Variants in CDYL observed in about 807,000 individuals in gnomAD.
CDYL encodes chromodomain Y like, also known as chromodomain Y-like protein.
Under a neutral mutation model 47.3 loss-of-function variants are expected in CDYL, and 8 were observed. The observed-to-expected ratio is 0.17, with a 90% CI of 0.10 to 0.31. The LOEUF (loss-of-function observed/expected upper bound fraction) is 0.31. CDYL is among the 10% of genes least tolerant of loss of function. The probability of loss-of-function intolerance (pLI) is 1.00; values close to 1 mark genes in which losing one functional copy is unlikely to be tolerated. For missense variants in CDYL, 471 were observed against 701.4 expected (o/e 0.67, Z 3.71); for synonymous variants, 266 against 265.0 (o/e 1.00, Z -0.04).
chr6:4,822,273 G>A (rs1404347566), intron 1 of CDYL, among the ~76,000 whole-genome samples: 1 of 152,042 alleles, frequency 6.6e-6, no homozygotes, highest in African/African-American at 2.4e-5. Context: ...TGTTGGGATT[G>A]TAGATGTGAG....
intron 3 of CDYL, among the ~76,000 whole-genome samples, chr6:4,754,636 C>G (rs1758048093): frequency 6.6e-6 from 1 of 152,154 alleles, no homozygotes; most frequent in African/African-American, 2.4e-5. Flanking sequence ...GCTTTTATTC[C>G]TATTTGCATA....
chr6:4,935,674 C>T lies in CDYL; in HGVS notation c.851C>T (p.Ala284Val). The change falls in exon 3 of 7, where the codon GCC becomes GTC. Residue 284 changes from alanine to valine, a missense_variant. Ala to Val is a moderately conservative substitution (Grantham distance 64, BLOSUM62 0). This residue lies in a region of CDYL where 103 missense variants were observed against 277.1 expected (regional missense o/e 0.37). Transcript: ENST00000397588. ...LRFSVRQTES[A>V]YRYRDIVVRK... ...TTCAGCGTGAGGCAAACAGAAAGTGCCTACAGATACAGAGATATTGTGGTC... is the reference window on the plus strand; with the variant it reads ...TTCAGCGTGAGGCAAACAGAAAGTGTCTACAGATACAGAGATATTGTGGTC... 1 of 1,614,206 alleles carries T rather than the reference C, an allele frequency of 6.2e-7. No homozygotes were observed. Among genetic ancestry groups the T allele is most frequent in the Non-Finnish European group, 8.5e-7 (1 of 1,180,042 alleles).
intron 1 of CDYL, among the ~76,000 whole-genome samples, chr6:4,861,296 G>C (rs1203379227): frequency 6.6e-6 from 1 of 152,224 alleles, no homozygotes; most frequent in Non-Finnish European, 1.5e-5. Context: ...GTCGTTAACT[G>C]TGGGCATAAG....
At chr6:4,811,085 T>C (rs61610972) in intron 1 of CDYL, among the ~76,000 whole-genome samples, 19,936 of 152,216 alleles carry the variant, frequency 0.13, 1,451 homozygotes, top group African/African-American at 0.2. Flanking sequence ...GAAGCTTCAG[T>C]TTCAGGTCTG....
intron 1 of CDYL, among the ~76,000 whole-genome samples, chr6:4,847,794 G>T (rs1316012241): frequency 6.6e-6 from 1 of 152,152 alleles, no homozygotes; most frequent in East Asian, 1.9e-4. Flanking sequence ...AATAAAAACT[G>T]TGTCTCCCTA....
intron 2 of CDYL, among the ~76,000 whole-genome samples, chr6:4,900,781 A>ATATATGTATGTATG (rs1561697427): frequency 9.2e-5 from 3 of 32,770 alleles, no homozygotes; most frequent in East Asian, 1.7e-3. Flanking sequence ...ATACGTGTGT[A>ATATATGTATGTATG]TATATATATA....
At chr6:4,906,914 A>G (rs1336050222) in intron 2 of CDYL, among the ~76,000 whole-genome samples, 3 of 152,196 alleles carry the variant, frequency 2.0e-5, no homozygotes, top group East Asian at 1.9e-4. Context: ...ATTGTGTTCT[A>G]TTAATCACTG....
chr6:4,720,417 T>C (rs898778792), intron 2 of CDYL, among the ~76,000 whole-genome samples: 11 of 152,226 alleles, frequency 7.2e-5, no homozygotes, highest in African/African-American at 2.7e-4. Flanking sequence ...ATGAAATAAA[T>C]GTTTGTTGAA....
intron 1 of CDYL, among the ~76,000 whole-genome samples, chr6:4,713,402 A>G (rs2127407063): frequency 6.6e-6 from 1 of 152,252 alleles, no homozygotes; most frequent in African/African-American, 2.4e-5. Context: ...CCAGATGCTA[A>G]GAGAAGGCCG....
chr6:4,756,720 T>C (rs990058919), intron 3 of CDYL, among the ~76,000 whole-genome samples: 5 of 152,224 alleles, frequency 3.3e-5, no homozygotes, highest in Non-Finnish European at 7.4e-5. Context: ...TGTAAATCAT[T>C]CTACAAACAA....
intron 1 of CDYL, among the ~76,000 whole-genome samples, chr6:4,873,206 G>T (rs1362082977): frequency 6.6e-6 from 1 of 152,124 alleles, no homozygotes; most frequent in African/African-American, 2.4e-5. Context: ...GGACTTGTCG[G>T]TATCATTTCT....
At chr6:4,775,029 G>T (rs1235369203), upstream of CDYL, among the ~76,000 whole-genome samples, 1 of 152,186 alleles carries the variant, frequency 6.6e-6, no homozygotes, top group Non-Finnish European at 1.5e-5. This position sits in a 1 kb window ranked among gnomAD's most constrained non-coding sequence, Gnocchi z 7.0. Context: ...GAGACGCCCC[G>T]TGGTTGTTGA....
chr6:4,774,275 T>C (rs1758382582), upstream of CDYL, among the ~76,000 whole-genome samples: 1 of 152,260 alleles, frequency 6.6e-6, no homozygotes, highest in African/African-American at 2.4e-5. Flanking sequence ...TTTTAAACTA[T>C]CACCTGCCAG....
intron 5 of CDYL, 117 bp downstream of exon 5, chr6:4,943,873 C>A: frequency 1.3e-6 from 1 of 742,518 alleles, no homozygotes; most frequent in Non-Finnish European, 2.1e-6. Context: ...GGGGACTTTC[C>A]ATCTTGTAAT....
chr6:4,797,699 T>C (rs928058690), intron 1 of CDYL, among the ~76,000 whole-genome samples: 2 of 152,240 alleles, frequency 1.3e-5, no homozygotes, highest in African/African-American at 4.8e-5. Flanking sequence ...ATACATTTTG[T>C]GTCTGACTTC....
At chr6:4,806,627 C>G (rs1438031798) in intron 1 of CDYL, among the ~76,000 whole-genome samples, 1 of 151,488 alleles carries the variant, frequency 6.6e-6, no homozygotes, top group Non-Finnish European at 1.5e-5. Flanking sequence ...CCATGAATGC[C>G]TTTCTTCTGT....
At chr6:4,879,834 A>T (rs1478045326) in intron 1 of CDYL, among the ~76,000 whole-genome samples, 1 of 152,190 alleles carries the variant, frequency 6.6e-6, no homozygotes, top group Non-Finnish European at 1.5e-5. Flanking sequence ...TACTGGGATT[A>T]CAGGCATGAG....
At chr6:4,729,353 A>G (rs1380475720) in intron 2 of CDYL, among the ~76,000 whole-genome samples, 2 of 152,152 alleles carry the variant, frequency 1.3e-5, no homozygotes, top group African/African-American at 2.4e-5. Flanking sequence ...GTGCATATAC[A>G]CACACCAGAA....
intron 3 of CDYL, among the ~76,000 whole-genome samples, chr6:4,736,752 G>A (rs1238329699): frequency 1.3e-5 from 2 of 151,668 alleles, no homozygotes; most frequent in African/African-American, 4.9e-5. Flanking sequence ...TAGACATTAA[G>A]AGTAAGTGCA....
Sources: gnomAD v4.1 joint callset for allele counts (sites outside exome capture counted in the v4.1 genomes callset) on GRCh38, gnomAD v4.1.1 for gene constraint, gnomAD v4.1.1 regional missense constraint, Gnocchi (gnomAD v3.1) non-coding constraint, MANE v1.5 for transcripts, NCBI Gene and HGNC (gene_info 2026-07-23, HGNC 2026-07-21) for gene names.